SHANK2: variants seen among roughly 807,000 people sequenced by gnomAD.
SHANK2 encodes the protein SH3 and multiple ankyrin repeat domains protein 2.
In SHANK2, 43 loss-of-function variants were observed where a neutral mutation model predicts 133.7. The observed-to-expected ratio is 0.32, with a 90% CI of 0.25 to 0.41. The LOEUF is 0.41. SHANK2 is among the 10% of genes least tolerant of loss of function. SHANK2 has a pLI of 1.00. For synonymous variants in SHANK2, 1,017 were observed against 952.8 expected (o/e 1.07, Z -1.24); for missense variants, 1,994 against 2,235.8 (o/e 0.89, Z 2.18).
At chr11:70,703,529 T>C (rs782158008) in intron 14 of SHANK2, among the ~76,000 whole-genome samples, 44 of 152,138 alleles carry the variant, frequency 2.9e-4, no homozygotes, top group Non-Finnish European at 5.6e-4. Context: ...CTTGGCCCCC[T>C]GGGACTTGCT....
At chr11:70,699,758 GA>G (rs1945479335) in intron 14 of SHANK2, among the ~76,000 whole-genome samples, 1 of 152,212 alleles carries the variant, frequency 6.6e-6, no homozygotes, top group African/African-American at 2.4e-5. Context: ...CATGTTCCAA[GA>G]ACCCTTTCCC....
intron 21 of SHANK2, among the ~76,000 whole-genome samples, chr11:70,495,141 C>T (rs1431039675): frequency 6.6e-6 from 1 of 152,194 alleles, no homozygotes; most frequent in Non-Finnish European, 1.5e-5. Flanking sequence ...GGCCCTCATC[C>T]CAGCTCCTCC....
intron 17 of SHANK2, among the ~76,000 whole-genome samples, chr11:70,514,812 A>G (rs1469894439): frequency 6.6e-6 from 1 of 152,230 alleles, no homozygotes; most frequent in Non-Finnish European, 1.5e-5. Context: ...GGAAAAATAA[A>G]AACTGAGGAG....
chr11:70,481,969 C>T (rs909262896), intron 25 of SHANK2, among the ~76,000 whole-genome samples: 7 of 152,362 alleles, frequency 4.6e-5, no homozygotes, highest in South Asian at 2.1e-4. Context: ...CCTGGACCCC[C>T]CCCCAGTGGT....
intron 3 of SHANK2, among the ~76,000 whole-genome samples, chr11:71,146,018 T>A (rs532208135): frequency 6.6e-6 from 1 of 152,184 alleles, no homozygotes; most frequent in Non-Finnish European, 1.5e-5. Flanking sequence ...AACTCTTGGA[T>A]GTCTACCATG....
intron 11 of SHANK2, among the ~76,000 whole-genome samples, chr11:70,827,742 C>T (rs1223338425): frequency 2.1e-5 from 3 of 140,504 alleles, no homozygotes; most frequent in Admixed American, 7.5e-5. Flanking sequence ...CAGAGAAAGA[C>T]GAGACAAGAC....
chr11:70,886,606 C>T (rs1555073552), intron 11 of SHANK2, among the ~76,000 whole-genome samples: 1 of 152,144 alleles, frequency 6.6e-6, no homozygotes, highest in African/African-American at 2.4e-5. Flanking sequence ...TTTTATTTCA[C>T]AGCAGGTAGT....
chr11:70,953,490 C>T (rs1280829087), intron 10 of SHANK2, among the ~76,000 whole-genome samples: 1 of 152,062 alleles, frequency 6.6e-6, no homozygotes, highest in African/African-American at 2.4e-5. Flanking sequence ...CCAAGAGTCC[C>T]CGGCAAGACA....
intron 14 of SHANK2, among the ~76,000 whole-genome samples, chr11:70,721,605 C>A (rs981508371): frequency 6.6e-6 from 1 of 152,152 alleles, no homozygotes; most frequent in Non-Finnish European, 1.5e-5. Flanking sequence ...GCAGTTCTGC[C>A]CCCAGGGTGT....
intron 17 of SHANK2, among the ~76,000 whole-genome samples, chr11:70,504,933 T>TTCATTCAC (rs1180793289): frequency 1.3e-5 from 2 of 152,140 alleles, no homozygotes; most frequent in East Asian, 1.9e-4. Flanking sequence ...CATTCATTCA[T>TTCATTCAC]TCATTCACTC....
chr11:70,663,226 G>A (rs544035958), intron 15 of SHANK2, among the ~76,000 whole-genome samples: 2 of 152,280 alleles, frequency 1.3e-5, no homozygotes, highest in African/African-American at 2.4e-5. Flanking sequence ...AGAGGAGTGC[G>A]GGTCAGCTCT....
chr11:71,113,512 G>A, intron 4 of SHANK2, 148 bp from the exon 5 acceptor site: 1 of 688,050 alleles, frequency 1.5e-6, no homozygotes, highest in Non-Finnish European at 2.6e-6. Context: ...ACTGGTATTT[G>A]CACCCCAGAG....
At chr11:71,066,144 TGG>T (rs1488706061) in intron 9 of SHANK2, among the ~76,000 whole-genome samples, 1 of 34,264 alleles carries the variant, frequency 2.9e-5, no homozygotes, top group Non-Finnish European at 5.2e-5. Flanking sequence ...GTGGGGAAGT[TGG>T]GTGGGGGGGG....
intron 11 of SHANK2, among the ~76,000 whole-genome samples, chr11:70,878,706 T>G (rs180935033): frequency 6.1e-4 from 93 of 152,298 alleles, no homozygotes; most frequent in African/African-American, 2.1e-3. Flanking sequence ...GAGTTTGCCA[T>G]GAGAGGTGAA....
rs374963563 is a variant in SHANK2, at chr11:70,661,584, G to C, written c.1936+12C>G. 4.4e-6 allele frequency: 7 copies of C among 1,606,224 alleles called. No individual in the cohort carries two copies. The highest frequency in any genetic ancestry group is 5.1e-6 in the Non-Finnish European group (6 of 1,174,552). On this transcript the variant is annotated intron_variant, in intron 16 of 25. Coordinates refer to ENST00000601538, the MANE Select transcript of SHANK2 (RefSeq NM_012309.5). ...ATGGGAACATATTCAGGCTCAGAGC[G>C]GCTGCTCTTACCTTTGGCCCCTCGA...
chr11:70,656,370 T>C (rs980045430), intron 17 of SHANK2, among the ~76,000 whole-genome samples: 3 of 152,076 alleles, frequency 2.0e-5, no homozygotes, highest in Admixed American at 1.3e-4. Context: ...TCCTCACCTC[T>C]GACCTGCATA....
chr11:70,732,824 C>T (rs1398288827), intron 14 of SHANK2, among the ~76,000 whole-genome samples: 2 of 152,252 alleles, frequency 1.3e-5, no homozygotes, highest in African/African-American at 4.8e-5. Context: ...TGCTTCACAT[C>T]CCCAGCAGCT....
chr11:70,688,480 C>G (rs1365394003), intron 15 of SHANK2, among the ~76,000 whole-genome samples: 1 of 152,256 alleles, frequency 6.6e-6, no homozygotes, highest in African/African-American at 2.4e-5. Flanking sequence ...GCCAAGCCAG[C>G]AGCCCCGGCC....
chr11:70,664,533 C>G (rs1265239115), intron 15 of SHANK2, among the ~76,000 whole-genome samples: 1 of 152,202 alleles, frequency 6.6e-6, no homozygotes, highest in Non-Finnish European at 1.5e-5. Context: ...TGCACTCTCC[C>G]TGGGGACACA....
Sources: gnomAD v4.1 joint callset for allele counts (sites outside exome capture counted in the v4.1 genomes callset) on GRCh38, gnomAD v4.1.1 for gene constraint, MANE v1.5 for transcripts, NCBI Gene and HGNC (gene_info 2026-07-23, HGNC 2026-07-21) for gene names.